Variants in RIN3 observed in about 807,000 individuals in gnomAD.
The protein encoded by RIN3 is RAB5 interacting protein 3.
A neutral mutation model predicts 76.3 loss-of-function variants in RIN3; 54 were observed. The ratio of observed to expected loss-of-function variants is 0.71; its 90% CI spans 0.57 to 0.89. The LOEUF (loss-of-function observed/expected upper bound fraction) is 0.89. RIN3 is among the 40% of genes least tolerant of loss of function. The pLI is 0.00. For missense variants in RIN3, 1,256 were observed against 1,322.1 expected (o/e 0.95, Z 0.78); for synonymous variants, 576 against 564.0 (o/e 1.02, Z -0.30).
At chr14:92,629,117 AAGAGAGAGAGAGAG>A (rs58288914) in intron 4 of RIN3, among the ~76,000 whole-genome samples, 4,454 of 145,024 alleles carry the variant, frequency 0.031, 207 homozygotes, top group African/African-American at 0.094. Context: ...CGGAAAGGAA[AAGAGAGAGAGAGAG>A]AGAGAGAGAG....
chr14:92,687,855 G>A, intron 9 of RIN3, 71 bp from the exon 10 acceptor site: 1 of 1,355,086 alleles, frequency 7.4e-7, no homozygotes, highest in Non-Finnish European at 9.8e-7. Flanking sequence ...CCAGGGAGGG[G>A]CCTGGGCCGG....
intron 3 of RIN3, among the ~76,000 whole-genome samples, chr14:92,578,228 C>G (rs1380772698): frequency 6.9e-6 from 1 of 144,372 alleles, no homozygotes; most frequent in East Asian, 2.0e-4. Flanking sequence ...AGAGGGAGAT[C>G]TGGCCTAAAA....
In RIN3 at chr14:92,609,131, A is replaced by G. The variant is rs535146304; in HGVS notation, c.368-6276A>G. ...TTAACTCCCACTTATAAGTAAGAAC[A>G]TATGATATATAGTTTTTCCATTCCT... On this transcript the variant is annotated intron_variant, in intron 3 of 9. Transcript: ENST00000216487. Among the ~76,000 whole-genome samples, 20 of 152,350 alleles carry G rather than the reference A, an allele frequency of 1.3e-4. No individual in the cohort carries two copies. In the South Asian group the frequency reaches 2.9e-3, roughly 22 times the overall value.
chr14:92,664,369 T>TC lies in RIN3; in HGVS notation c.2335+4900_2335+4901insC, dbSNP rs1842650528. On this transcript the variant is annotated intron_variant, in intron 7 of 9. Coordinates refer to ENST00000216487, the MANE Select transcript of RIN3 (RefSeq NM_024832.5). Reference sequence around the variant, plus strand: ...ATCATTTTCTTTCTTTCTTTCTTTTTTTTTTTTTTTTTTTTTGAGATGGAG... The same window carrying TC: ...ATCATTTTCTTTCTTTCTTTCTTTTTCTTTTTTTTTTTTTTTTGAGATGGAG... Among the ~76,000 whole-genome samples the TC allele has an allele frequency of 1.9e-4, 26 of 135,910 alleles. No homozygotes were observed. The South Asian group carries it at 6.7e-3, about 35-fold the overall frequency. 89.2% of individuals were successfully genotyped at this position (135,910 alleles called of 152,430 possible). A position where few individuals can be genotyped will look rare whatever the true frequency, so the allele number is the denominator to read the frequency against.
chr14:92,639,081 C>T (rs1886883834), intron 4 of RIN3, among the ~76,000 whole-genome samples: 1 of 152,258 alleles, frequency 6.6e-6, no homozygotes, highest in African/African-American at 2.4e-5. Flanking sequence ...TGGCAGGGTC[C>T]ATTCAGCAAA....
At chr14:92,630,611 A>G (rs1044865088) in intron 4 of RIN3, among the ~76,000 whole-genome samples, 5 of 152,224 alleles carry the variant, frequency 3.3e-5, no homozygotes, top group African/African-American at 1.2e-4. Flanking sequence ...CTCTGGAGCC[A>G]TGGTCACCAA....
At chr14:92,546,829 G>C (rs896724210) in intron 1 of RIN3, among the ~76,000 whole-genome samples, 1 of 152,128 alleles carries the variant, frequency 6.6e-6, no homozygotes, top group Admixed American at 6.5e-5. Context: ...AGGTTGGCCA[G>C]TGTCCCCAAA....
At chr14:92,550,000 T>C (rs952152025) in intron 1 of RIN3, among the ~76,000 whole-genome samples, 1 of 152,054 alleles carries the variant, frequency 6.6e-6, no homozygotes, top group African/African-American at 2.4e-5. Flanking sequence ...GGTGTCAGAG[T>C]GGCCGGCTCT....
chr14:92,674,751 T>G (rs1347546054), intron 7 of RIN3, among the ~76,000 whole-genome samples: 3 of 152,048 alleles, frequency 2.0e-5, no homozygotes, highest in Non-Finnish European at 2.9e-5. Context: ...CAGCTGGGTA[T>G]GGCAGCGCAC....
chr14:92,621,409 T>G (rs556728939), intron 4 of RIN3, among the ~76,000 whole-genome samples: 1 of 152,186 alleles, frequency 6.6e-6, no homozygotes, highest in African/African-American at 2.4e-5. Flanking sequence ...CCTGAGAACA[T>G]GTGCCCAAGG....
chr14:92,631,657 G>A (rs1039895894), intron 4 of RIN3, among the ~76,000 whole-genome samples: 1 of 152,106 alleles, frequency 6.6e-6, no homozygotes, highest in African/African-American at 2.4e-5. Context: ...CTGGAGTGCA[G>A]TGGTGTGATC....
intron 7 of RIN3, among the ~76,000 whole-genome samples, chr14:92,665,305 CGTG>C (rs1379856981): frequency 1.3e-5 from 2 of 151,034 alleles, no homozygotes; most frequent in African/African-American, 4.9e-5. Flanking sequence ...CCGTCATATA[CGTG>C]GTCCATCATT....
intron 4 of RIN3, among the ~76,000 whole-genome samples, chr14:92,625,823 TAA>T (rs1886332035): frequency 1.3e-5 from 2 of 152,338 alleles, no homozygotes; most frequent in South Asian, 4.1e-4. Context: ...GTGGATAGCA[TAA>T]GTTTCATTTT....
intron 7 of RIN3, among the ~76,000 whole-genome samples, chr14:92,664,781 G>A (rs1306239608): frequency 1.3e-5 from 2 of 152,136 alleles, no homozygotes; most frequent in Non-Finnish European, 2.9e-5. Context: ...GGTATTTTGT[G>A]GCATGTATGT....
Position 92,562,550 on chromosome 14 carries a change from A to G in RIN3, c.249+6595A>G, listed in dbSNP as rs567854972. Among the ~76,000 whole-genome samples the G allele has an allele frequency of 3.9e-5, 6 of 152,282 alleles. No individual in the cohort carries two copies. In the East Asian group the frequency reaches 1.2e-3, roughly 29 times the overall value. On this transcript the variant is annotated intron_variant, in intron 2 of 9. Transcript: ENST00000216487. ...TCATTGTGGAATCAGGGGCACTTTT[A>G]TACTTTGGACTATAATCCAATACTA...
At chr14:92,553,123 A>G (rs78470630) in intron 1 of RIN3, among the ~76,000 whole-genome samples, 1,781 of 152,074 alleles carry the variant, frequency 0.012, 41 homozygotes, top group African/African-American at 0.04. Flanking sequence ...CCCATTGCAC[A>G]GATGAGGAAA....
chr14:92,639,218 C>T (rs1479725901), intron 4 of RIN3, among the ~76,000 whole-genome samples: 11 of 152,232 alleles, frequency 7.2e-5, no homozygotes, highest in Admixed American at 7.2e-4. Context: ...GAGGTGCAGA[C>T]AGCAAAGCCA....
At chr14:92,662,276 A>ACACAGCATG (rs59985723) in intron 7 of RIN3, among the ~76,000 whole-genome samples, 1 of 151,604 alleles carries the variant, frequency 6.6e-6, no homozygotes, top group South Asian at 2.1e-4. Context: ...GAGGTGTCCT[A>ACACAGCATG]CAGGGAAGCA....
rs778201381 is a variant in RIN3, at chr14:92,652,333, G to C, written c.1284G>C (p.Glu428Asp). The change falls in exon 6 of 10, where the codon GAG becomes GAC. Residue 428 changes from glutamate to aspartate, a missense_variant. Physicochemically the swap from Glu to Asp is conservative, Grantham distance 45. Transcript: ENST00000216487. This position sits in a 1 kb window ranked among gnomAD's most constrained non-coding sequence, Gnocchi z 6.4. ...TSDGPEDTPRESTEQGQDTEV... is the reference protein window; with the variant it reads ...TSDGPEDTPRDSTEQGQDTEV... Reference sequence around the variant, plus strand: ...ACGGCCCTGAGGACACGCCCCGGGAGAGCACGGAGCAAGGCCAGGACACAG... The same window carrying C: ...ACGGCCCTGAGGACACGCCCCGGGACAGCACGGAGCAAGGCCAGGACACAG... 1.9e-6 allele frequency: 3 copies of C among 1,604,212 alleles called. No individual in the cohort carries two copies. The Admixed American group carries it at 5.0e-5, about 27-fold the overall frequency.
Sources: gnomAD v4.1 joint callset for allele counts (sites outside exome capture counted in the v4.1 genomes callset) on GRCh38, gnomAD v4.1.1 for gene constraint, Gnocchi (gnomAD v3.1) non-coding constraint, MANE v1.5 for transcripts, NCBI Gene and HGNC (gene_info 2026-07-23, HGNC 2026-07-21) for gene names.